Variants in CLYBL observed in about 807,000 individuals in gnomAD.
CLYBL encodes citramalyl-CoA lyase, mitochondrial.
A neutral mutation model predicts 38.9 loss-of-function variants in CLYBL; 31 were observed. The ratio of observed to expected loss-of-function variants is 0.80; its 90% confidence interval spans 0.60 to 1.08. CLYBL has a LOEUF of 1.08. Ranked by LOEUF, CLYBL falls within the 50% of genes least tolerant of loss-of-function variation. CLYBL has a pLI of 0.00. For synonymous variants in CLYBL, 171 were observed against 158.6 expected, an observed-to-expected ratio of 1.08 and a Z score of -0.59; for missense variants, 434 against 411.6, an observed-to-expected ratio of 1.05 and a Z score of -0.47.
intron 1 of CLYBL, among the ~76,000 whole-genome samples, chr13:99,716,684 T>A (rs1203624997): frequency 6.9e-6 from 1 of 144,944 alleles, no homozygotes; most frequent in Admixed American, 6.9e-5. Flanking sequence ...ACGCCCAGCC[T>A]ATACTTGTTT....
intron 1 of CLYBL, among the ~76,000 whole-genome samples, chr13:99,698,651 A>G (rs1270532521): frequency 2.0e-5 from 3 of 152,224 alleles, no homozygotes; most frequent in Non-Finnish European, 4.4e-5. Context: ...TTTTAATCCT[A>G]ATCACAAAAT....
At chr13:99,867,799 T>C (rs2139237748) in intron 6 of CLYBL, among the ~76,000 whole-genome samples, 1 of 152,220 alleles carries the variant, frequency 6.6e-6, no homozygotes, top group South Asian at 2.1e-4. Context: ...AAATGGGAAC[T>C]AATTCGATAA....
chr13:99,898,483 G>C (rs1371651973), downstream of CLYBL, among the ~76,000 whole-genome samples: 1 of 152,190 alleles, frequency 6.6e-6, no homozygotes, highest in Non-Finnish European at 1.5e-5. Flanking sequence ...ATGAGGACAA[G>C]GGCACATCCA....
At chr13:99,637,482 C>T (rs956078608) in intron 1 of CLYBL, among the ~76,000 whole-genome samples, 9 of 152,116 alleles carry the variant, frequency 5.9e-5, no homozygotes, top group South Asian at 2.1e-4. Flanking sequence ...AAACCATAGC[C>T]GGGCACGGTG....
In CLYBL at chr13:99,866,338, T is replaced by C; in HGVS notation, c.733T>C (p.Tyr245His). The C allele has an allele frequency of 6.2e-7, 1 of 1,614,142 alleles. No homozygotes were observed. Among genetic ancestry groups the C allele is most frequent in the Non-Finnish European group, 8.5e-7 (1 of 1,180,016 alleles). ...AFGLQAIDLV[Y>H]IDFRDGAGLL... ...TGGTCTCCAAGCCATAGATCTGGTG[T>C]ACATTGACTTTCGAGATGGAGCTGG... The change falls in exon 6 of 9, where the codon TAC becomes CAC. Residue 245 changes from tyrosine (Y) to histidine (H), a missense_variant. Physicochemically the swap from Tyr to His is moderately conservative, Grantham distance 83 (BLOSUM62 2). Coordinates refer to ENST00000339105, the MANE Select transcript of CLYBL (RefSeq NM_206808.5).
At chr13:99,696,171 A>G (rs192633573) in intron 1 of CLYBL, among the ~76,000 whole-genome samples, 4 of 152,244 alleles carry the variant, frequency 2.6e-5, no homozygotes, top group African/African-American at 9.6e-5. Flanking sequence ...ATTTTTTGCT[A>G]ATAAATGTGT....
intron 1 of CLYBL, among the ~76,000 whole-genome samples, chr13:99,608,270 A>C (rs1414551167): frequency 6.7e-6 from 1 of 148,982 alleles, no homozygotes; most frequent in Non-Finnish European, 1.5e-5. Context: ...ACGAGGTTTC[A>C]CCATGTTGGC....
At chr13:99,623,381 C>T (rs1173136000) in intron 1 of CLYBL, among the ~76,000 whole-genome samples, 2 of 152,108 alleles carry the variant, frequency 1.3e-5, no homozygotes, top group Non-Finnish European at 2.9e-5. Flanking sequence ...CTCTGCTTCA[C>T]ATCCTTCCTA....
chr13:99,689,902 A>G (rs1338658652), intron 1 of CLYBL, among the ~76,000 whole-genome samples: 4 of 152,240 alleles, frequency 2.6e-5, no homozygotes, highest in Non-Finnish European at 5.9e-5. Context: ...AACAAGTTAA[A>G]ATAGCCCAGG....
At chr13:99,815,635 C>T (rs965987863) in intron 2 of CLYBL, among the ~76,000 whole-genome samples, 1 of 152,094 alleles carries the variant, frequency 6.6e-6, no homozygotes, top group Admixed American at 6.6e-5. Context: ...CCTGTAATCC[C>T]AATACTTTGG....
chr13:99,740,810 G>A (rs1470910589), intron 1 of CLYBL, among the ~76,000 whole-genome samples: 4 of 152,234 alleles, frequency 2.6e-5, no homozygotes, highest in East Asian at 1.9e-4. Context: ...ATTTAACGGC[G>A]TGCACACAGC....
intron 2 of CLYBL, among the ~76,000 whole-genome samples, chr13:99,803,400 G>A (rs534382336): frequency 1.3e-5 from 2 of 152,240 alleles, no homozygotes; most frequent in East Asian, 3.8e-4. Context: ...CCAGCCCATC[G>A]CTGGATGTTG....
intron 2 of CLYBL, among the ~76,000 whole-genome samples, chr13:99,856,443 T>C (rs916199076): frequency 6.6e-6 from 1 of 152,228 alleles, no homozygotes; most frequent in Non-Finnish European, 1.5e-5. Context: ...CCATTCATAC[T>C]GTCCCAGTAG....
chr13:99,706,302 C>A (rs1049649732), intron 1 of CLYBL, among the ~76,000 whole-genome samples: 1 of 152,136 alleles, frequency 6.6e-6, no homozygotes, highest in Non-Finnish European at 1.5e-5. Context: ...TGCCCCTGAG[C>A]CAAACACTGT....
chr13:99,694,301 A>C (rs953983401), intron 1 of CLYBL, among the ~76,000 whole-genome samples: 9 of 152,234 alleles, frequency 5.9e-5, no homozygotes, highest in Non-Finnish European at 4.4e-5. Context: ...CAAGACTGCA[A>C]ACCCGGCAGA....
At chr13:99,819,591 C>T (rs2050546616) in intron 2 of CLYBL, among the ~76,000 whole-genome samples, 1 of 151,016 alleles carries the variant, frequency 6.6e-6, no homozygotes, top group Admixed American at 6.6e-5. Context: ...GATCTGCTGT[C>T]TGCAAACGGA....
chr13:99,690,636 A>T (rs539801589), intron 1 of CLYBL: 6 of 152,264 alleles, frequency 3.9e-5, no homozygotes, highest in Admixed American at 3.9e-4. Context: ...CCTTCCGAGG[A>T]TGCTGGTATT....
At chr13:99,768,746 G>A (rs899697561) in intron 1 of CLYBL, among the ~76,000 whole-genome samples, 13 of 151,178 alleles carry the variant, frequency 8.6e-5, no homozygotes, top group South Asian at 8.4e-4. Context: ...CTCTGACCTC[G>A]GGTGATTCCC....
intron 7 of CLYBL, chr13:99,885,143 A>G (rs1319533772): frequency 5.8e-6 from 3 of 520,012 alleles, no homozygotes; most frequent in Non-Finnish European, 7.9e-6. Context: ...GGGGCCTCAC[A>G]GTGTTGTGAA....
Sources: allele counts gnomAD v4.1 joint callset (sites outside exome capture counted in the v4.1 genomes callset), GRCh38; gene constraint gnomAD v4.1.1; transcripts MANE v1.5; gene names NCBI Gene and HGNC (gene_info 2026-07-23, HGNC 2026-07-21).